The following CRYZL1 variants were observed in gnomAD, a reference collection of about 807,000 sequenced individuals.
CRYZL1 encodes the protein crystallin zeta like 1.
CRYZL1 carries 34 observed loss-of-function variants against 50.6 expected under a neutral mutation model. That is an observed-to-expected ratio of 0.67 (90% CI 0.51 to 0.89). The LOEUF is 0.89. CRYZL1 is among the 40% of genes least tolerant of loss of function. The probability of loss-of-function intolerance (pLI) is 0.00; values close to 1 mark genes in which losing one functional copy is unlikely to be tolerated. For missense variants in CRYZL1, 354 were observed against 402.3 expected, an observed-to-expected ratio of 0.88 and a Z score of 1.03; for synonymous variants, 125 against 134.3, an observed-to-expected ratio of 0.93 and a Z score of 0.48.
At chr21:33,616,845 A>T (rs994915803) in intron 4 of CRYZL1, 95 bp from the exon 5 acceptor site, 4 of 1,154,024 alleles carry the variant, frequency 3.5e-6, no homozygotes, top group Non-Finnish European at 4.7e-6. Flanking sequence ...TGGATTTGTA[A>T]AAAGACTGAT....
chr21:33,594,470 T>C (rs1435262508), intron 11 of CRYZL1: 1 of 152,018 alleles, frequency 6.6e-6, no homozygotes, highest in Non-Finnish European at 1.5e-5. Flanking sequence ...ATGTACCTTT[T>C]TAAAAAATGA....
At chr21:33,641,150 A>C in intron 1 of CRYZL1, 1 of 1,549,890 alleles carries the variant, frequency 6.5e-7, no homozygotes, top group Non-Finnish European at 8.7e-7. Flanking sequence ...TTCGGCCCCG[A>C]CCCAGACCTA....
chr21:33,629,112 G>C (rs552495296), intron 2 of CRYZL1, among the ~76,000 whole-genome samples: 1 of 151,766 alleles, frequency 6.6e-6, no homozygotes, highest in Non-Finnish European at 1.5e-5. Flanking sequence ...GCACATGTCT[G>C]TAGTCTCAGT....
In CRYZL1 at chr21:33,641,720, C is replaced by T. The variant is rs1405467257; in HGVS notation, c.-46G>A. The T allele has an allele frequency of 1.8e-5, 3 of 163,176 alleles. No individual in the cohort carries two copies. The highest frequency in any genetic ancestry group is 4.8e-5 in the African/African-American group (2 of 41,590). 10.1% of individuals were successfully genotyped at this position (163,176 alleles called of 1,614,324 possible). A position where few individuals can be genotyped will look rare whatever the true frequency, so the allele number is the denominator to read the frequency against. The stretch of plus-strand genomic sequence containing the variant: ...CCCCAACGGCCTGCACCTTCACCAC[C>T]GCCACCTTCCAGTCCTTCGTCAGAG... On this transcript the variant is annotated 5_prime_UTR_variant, in exon 1 of 13. Coordinates refer to ENST00000381554, the MANE Select transcript of CRYZL1 (RefSeq NM_145858.3).
Position 33,604,223 on chromosome 21 carries a change from C to T in CRYZL1, c.332-686G>A, listed in dbSNP as rs534892533. ...ACAAAAAATTAGCCAGGCGTGGTGG[C>T]GGGCGCCTGTATTCCCAGCTACTCG... On this transcript the variant is annotated intron_variant, in intron 6 of 12. Coordinates refer to ENST00000381554, the MANE Select transcript of CRYZL1 (RefSeq NM_145858.3). Among the ~76,000 whole-genome samples, 7 of 152,236 alleles carry T rather than the reference C, an allele frequency of 4.6e-5. No homozygotes were observed. The East Asian group carries it at 5.8e-4, about 13-fold the overall frequency.
At position 33,616,742 on chromosome 21, in the gene CRYZL1, T is replaced by C; in HGVS notation, c.226A>G (p.Lys76Glu). The part of the protein sequence containing the change: ...IAGIVLDVGS[K>E]VSFFQPDDEV... Reference sequence around the variant, plus strand: ...TCATCTGGTTGAAAGAATGATACCTTGCTTCCAACTAAAGAGTGAAGAAAA... The same window carrying C: ...TCATCTGGTTGAAAGAATGATACCTCGCTTCCAACTAAAGAGTGAAGAAAA... The change falls in exon 5 of 13, where the codon AAG becomes GAG. Residue 76 changes from lysine (K) to glutamate (E), a missense_variant. Coordinates refer to ENST00000381554, the MANE Select transcript of CRYZL1 (RefSeq NM_145858.3). 6.2e-7 allele frequency: 1 copy of C among 1,605,942 alleles called. No individual in the cohort carries two copies. The highest frequency in any genetic ancestry group is 1.1e-5 in the South Asian group (1 of 89,178).
At chr21:33,607,810 G>A (rs117869809) in intron 6 of CRYZL1, among the ~76,000 whole-genome samples, 2,639 of 152,274 alleles carry the variant, frequency 0.017, 35 homozygotes, top group Middle Eastern at 0.037. Flanking sequence ...ACAAAAGGTT[G>A]GAGCTACAAC....
In CRYZL1 at chr21:33,621,997, A is replaced by G. The variant is rs139699692; in HGVS notation, c.216T>C (p.Asp72=). 1 of 1,597,132 alleles carries G rather than the reference A, an allele frequency of 6.3e-7. No homozygotes were observed. The highest frequency in any genetic ancestry group is 8.6e-7 in the Non-Finnish European group (1 of 1,164,774). ...ATATACTCACATCTGTATACTTACC[A>G]TCTAATACAATTCCAGCAATTTCTC... ...VGREIAGIVL[D]VGSKVSFFQP... is the part of the protein sequence containing the mutation. The change falls in exon 4 of 13, where the codon GAT becomes GAC. Residue 72 remains aspartate (D), a splice_region_variant and synonymous_variant. Coordinates refer to ENST00000381554, the MANE Select transcript of CRYZL1 (RefSeq NM_145858.3).
intron 6 of CRYZL1, among the ~76,000 whole-genome samples, chr21:33,604,681 C>T (rs2086793116): frequency 6.6e-6 from 1 of 152,084 alleles, no homozygotes; most frequent in Non-Finnish European, 1.5e-5. Flanking sequence ...AGAGCACTTT[C>T]ATTCTTGTTG....
intron 11 of CRYZL1, among the ~76,000 whole-genome samples, chr21:33,593,129 C>T (rs949979882): frequency 8.6e-5 from 13 of 151,002 alleles, no homozygotes; most frequent in African/African-American, 1.9e-4. Flanking sequence ...TTTTTTGAGA[C>T]GGAGTCTCGC....
intron 6 of CRYZL1, among the ~76,000 whole-genome samples, chr21:33,612,572 A>G (rs2086884189): frequency 6.6e-6 from 1 of 152,176 alleles, no homozygotes; most frequent in African/African-American, 2.4e-5. Flanking sequence ...CACAGGCGTG[A>G]GCCGCTGCGC....
At chr21:33,603,369 C>T (rs2086775538) in intron 7 of CRYZL1, 35 bp downstream of exon 7, 1 of 1,607,698 alleles carries the variant, frequency 6.2e-7, no homozygotes, top group Non-Finnish European at 8.5e-7. Context: ...TTACTGTATG[C>T]TTGTCTGTTT....
intron 11 of CRYZL1, chr21:33,591,793 AC>A (rs921520127): frequency 6.6e-6 from 1 of 152,350 alleles, no homozygotes; most frequent in Non-Finnish European, 1.5e-5. Flanking sequence ...AAGGCTCTCT[AC>A]AAAAAAATTA....
In CRYZL1 at chr21:33,596,677, C is replaced by T. The variant is rs189216997; in HGVS notation, c.798+603G>A. 5.3e-5 allele frequency among the ~76,000 whole-genome samples: 8 copies of T among 151,576 alleles called. No homozygotes were observed. In the East Asian group the frequency reaches 9.7e-4, roughly 18 times the overall value. ...ATAAAAAAATAAAATAAAATAAATT[C>T]GTAAGTCACATGTCTAAATCACTAA... On this transcript the variant is annotated intron_variant, in intron 10 of 12. Transcript: ENST00000381554.
Position 33,602,251 on chromosome 21 carries a change from C to T in CRYZL1, c.560G>A (p.Arg187Lys), listed in dbSNP as rs774782177. ...TTACCCACCTATGGGAGGTCTGAAT[C>T]TTTCAAGGCACTGCTTATCTTCAAG... Reference protein sequence around the residue: ...CSLEDKQCLERFRPPIARVID... With the variant: ...CSLEDKQCLEKFRPPIARVID... Residue 187 changes from arginine (R) to lysine (K), a missense_variant, in exon 8 of 13, where the codon AGA becomes AAA. By Grantham distance (26) the Arg-to-Lys change is conservative (BLOSUM62 2). Transcript: ENST00000381554. 4.4e-6 allele frequency: 7 copies of T among 1,599,142 alleles called. No individual in the cohort carries two copies. In the South Asian group the frequency reaches 6.6e-5, roughly 15 times the overall value.
At chr21:33,621,055 G>A (rs2086993350) in intron 4 of CRYZL1, among the ~76,000 whole-genome samples, 4 of 147,950 alleles carry the variant, frequency 2.7e-5, no homozygotes, top group African/African-American at 7.4e-5. Flanking sequence ...ACAGGCGCCC[G>A]CCACCTCGCC....
At chr21:33,595,664 G>T in intron 11 of CRYZL1, 67 bp downstream of exon 11, 1 of 1,596,428 alleles carries the variant, frequency 6.3e-7, no homozygotes. Context: ...TCCTATTATC[G>T]TAATGAAAGA....
Position 33,616,712 on chromosome 21 carries a change from C to G in CRYZL1, c.256G>C (p.Val86Leu). The change falls in exon 5 of 13, where the codon GTA becomes CTA. Residue 86 changes from valine (V) to leucine (L), a missense_variant. Val to Leu is a conservative substitution (Grantham distance 32, BLOSUM62 1). Transcript: ENST00000381554. ...KVSFFQPDDE[V>L]VGILPLDSED... ...ACTATGAACTATAACTTACCAACTACTTCATCATCTGGTTGAAAGAATGAT... is the reference window on the plus strand; with the variant it reads ...ACTATGAACTATAACTTACCAACTAGTTCATCATCTGGTTGAAAGAATGAT... 1 of 1,609,496 alleles carries G rather than the reference C, an allele frequency of 6.2e-7. No individual in the cohort carries two copies. Among genetic ancestry groups the G allele is most frequent in the Non-Finnish European group, 8.5e-7 (1 of 1,177,588 alleles).
At chr21:33,600,936 T>TG (rs2086747671) in intron 8 of CRYZL1, among the ~76,000 whole-genome samples, 2 of 103,884 alleles carry the variant, frequency 1.9e-5, no homozygotes, top group African/African-American at 8.0e-5. Flanking sequence ...CCATAAAGTT[T>TG]TTTTTTTTTT....
Sources: allele counts gnomAD v4.1 joint callset (sites outside exome capture counted in the v4.1 genomes callset), GRCh38; gene constraint gnomAD v4.1.1; transcripts MANE v1.5; gene names NCBI Gene and HGNC (gene_info 2026-07-23, HGNC 2026-07-21).